NEO1: variants seen among roughly 807,000 people sequenced by gnomAD.
NEO1 encodes neogenin 1.
In NEO1, 63 loss-of-function variants were observed where a neutral mutation model predicts 159.7. The ratio of observed to expected loss-of-function variants is 0.39; its 90% CI spans 0.32 to 0.49. The LOEUF is 0.49. Ranked by LOEUF, NEO1 falls within the 20% of genes least tolerant of loss-of-function variation. The probability of loss-of-function intolerance (pLI) is 0.85; values close to 1 mark genes in which losing one functional copy is unlikely to be tolerated. For missense variants in NEO1, 1,615 were observed against 1,831.0 expected, an observed-to-expected ratio of 0.88 and a Z score of 2.15; for synonymous variants, 633 against 662.0, an observed-to-expected ratio of 0.96 and a Z score of 0.67.
intron 7 of NEO1, among the ~76,000 whole-genome samples, chr15:73,193,710 T>C (rs2127277): frequency 0.36 from 53,418 of 150,020 alleles, 10,360 homozygotes; most frequent in Admixed American, 0.47. Context: ...CAATTGTTGC[T>C]AATTTATTGA....
At chr15:73,204,610 CT>C (rs1438566387) in intron 7 of NEO1, among the ~76,000 whole-genome samples, 7 of 151,966 alleles carry the variant, frequency 4.6e-5, no homozygotes, top group African/African-American at 1.7e-4. Flanking sequence ...TGTAGAATTC[CT>C]TTTGATTCTT....
chr15:73,302,926 T>C lies in NEO1; in HGVS notation c.*230T>C, dbSNP rs2042676572. ...GGCAGCTTCCCTTTGCCTGCTGATATTCTGCAGGACTGGGCACCATGGGCC... is the reference window on the plus strand; with the variant it reads ...GGCAGCTTCCCTTTGCCTGCTGATACTCTGCAGGACTGGGCACCATGGGCC... On this transcript the variant is annotated 3_prime_UTR_variant, in exon 29 of 29. Coordinates refer to ENST00000261908, the MANE Select transcript of NEO1 (RefSeq NM_002499.4). 6.0e-6 allele frequency: 3 copies of C among 499,540 alleles called. No individual in the cohort carries two copies. The highest frequency in any genetic ancestry group is 3.2e-5 in the Admixed American group (1 of 31,150). 30.9% of individuals were successfully genotyped at this position (499,540 alleles called of 1,614,324 possible). A position where few individuals can be genotyped will look rare whatever the true frequency, so the allele number is the denominator to read the frequency against.
intron 1 of NEO1, among the ~76,000 whole-genome samples, chr15:73,109,631 G>T (rs1457563258): frequency 1.3e-5 from 2 of 151,952 alleles, no homozygotes; most frequent in Non-Finnish European, 2.9e-5. Context: ...GTGTATCAAG[G>T]TACATTACCC....
intron 7 of NEO1, among the ~76,000 whole-genome samples, chr15:73,192,428 GT>G (rs1484724181): frequency 6.6e-6 from 1 of 151,818 alleles, no homozygotes; most frequent in African/African-American, 2.4e-5. Flanking sequence ...AGGAAACATA[GT>G]TTTGAGTTCT....
intron 1 of NEO1, among the ~76,000 whole-genome samples, chr15:73,112,984 T>C (rs1183861323): frequency 6.6e-6 from 1 of 152,138 alleles, no homozygotes; most frequent in Non-Finnish European, 1.5e-5. Context: ...CTCAATCGAT[T>C]TAAAATGTCA....
chr15:73,156,436 A>T (rs990598017), intron 5 of NEO1, among the ~76,000 whole-genome samples: 1 of 151,824 alleles, frequency 6.6e-6, no homozygotes, highest in East Asian at 1.9e-4. Context: ...TTCTTTGGCC[A>T]CTGGGTGGCT....
At chr15:73,208,987 C>CT (rs2037397432) in intron 7 of NEO1, among the ~76,000 whole-genome samples, 1 of 152,216 alleles carries the variant, frequency 6.6e-6, no homozygotes, top group African/African-American at 2.4e-5. Context: ...AGTTCTTTCT[C>CT]TGAGTCTCCT....
At chr15:73,289,637 ATT>A (rs1266903630) in intron 25 of NEO1, among the ~76,000 whole-genome samples, 1 of 152,076 alleles carries the variant, frequency 6.6e-6, no homozygotes, top group African/African-American at 2.4e-5. Context: ...TGTGAAATTT[ATT>A]TTTTTAATTA....
intron 15 of NEO1, among the ~76,000 whole-genome samples, chr15:73,260,866 A>G (rs908017478): frequency 6.6e-6 from 1 of 152,176 alleles, no homozygotes; most frequent in Non-Finnish European, 1.5e-5. Context: ...TTGGTAATTA[A>G]AAGTATCTTG....
At chr15:73,274,140 A>T in intron 20 of NEO1, 135 bp downstream of exon 20, 1 of 872,830 alleles carries the variant, frequency 1.1e-6, no homozygotes, top group Non-Finnish European at 1.7e-6. Flanking sequence ...TGATGTGAAG[A>T]TTTATCCCAG....
intron 8 of NEO1, among the ~76,000 whole-genome samples, 182 bp from the exon 9 acceptor site, chr15:73,244,162 G>A (rs1206757786): frequency 3.3e-5 from 5 of 152,294 alleles, no homozygotes; most frequent in East Asian, 3.9e-4. Flanking sequence ...TGTCAGATAC[G>A]TATGCCCTTG....
chr15:73,154,310 G>C (rs1411071277), intron 5 of NEO1, among the ~76,000 whole-genome samples: 2 of 152,136 alleles, frequency 1.3e-5, no homozygotes, highest in East Asian at 3.8e-4. Context: ...CAGGGTAAAT[G>C]GAGTATCCAT....
At chr15:73,207,118 T>G (rs1462445791) in intron 7 of NEO1, among the ~76,000 whole-genome samples, 1 of 152,238 alleles carries the variant, frequency 6.6e-6, no homozygotes, top group Non-Finnish European at 1.5e-5. Flanking sequence ...CTTGATCCAA[T>G]CACATTCACT....
chr15:73,301,528 A>G, intron 28 of NEO1, 71 bp downstream of exon 28: 1 of 1,602,428 alleles, frequency 6.2e-7, no homozygotes, highest in Non-Finnish European at 8.5e-7. Flanking sequence ...ACTGCTGGTC[A>G]AGCTGATAAT....
chr15:73,189,072 C>T (rs1218937344), intron 7 of NEO1, among the ~76,000 whole-genome samples: 1 of 152,180 alleles, frequency 6.6e-6, no homozygotes, highest in African/African-American at 2.4e-5. Flanking sequence ...GCACTCTAGC[C>T]TGGGCAACAG....
intron 16 of NEO1, among the ~76,000 whole-genome samples, chr15:73,267,102 C>T (rs889639623): frequency 3.9e-5 from 6 of 152,024 alleles, no homozygotes; most frequent in African/African-American, 1.4e-4. Context: ...ACTAAAAATA[C>T]AAAAAATTAG....
chr15:73,098,835 C>T (rs2070238193), intron 1 of NEO1, among the ~76,000 whole-genome samples: 1 of 152,068 alleles, frequency 6.6e-6, no homozygotes, highest in Non-Finnish European at 1.5e-5. Flanking sequence ...TGCAGATTTT[C>T]CTCTATAGTG....
chr15:73,280,136 A>G (rs1302739144), intron 22 of NEO1, among the ~76,000 whole-genome samples: 1 of 152,184 alleles, frequency 6.6e-6, no homozygotes, highest in Non-Finnish European at 1.5e-5. Flanking sequence ...GGGAGCTGTT[A>G]CAGGCCAGGC....
At chr15:73,088,242 T>C (rs973622971) in intron 1 of NEO1, among the ~76,000 whole-genome samples, 5 of 151,954 alleles carry the variant, frequency 3.3e-5, no homozygotes, top group Admixed American at 1.3e-4. Context: ...AGGGAAAGAC[T>C]AAAGAAATTT....
Sources: allele counts gnomAD v4.1 joint callset (sites outside exome capture counted in the v4.1 genomes callset), GRCh38; gene constraint gnomAD v4.1.1; transcripts MANE v1.5; gene names NCBI Gene and HGNC (gene_info 2026-07-23, HGNC 2026-07-21).